Variants in CHL1 observed in about 807,000 individuals in gnomAD.
CHL1 encodes cell adhesion molecule L1 like.
A neutral mutation model predicts 141.9 loss-of-function variants in CHL1; 96 were observed. The ratio of observed to expected loss-of-function variants is 0.68; its 90% CI spans 0.57 to 0.80. The LOEUF (loss-of-function observed/expected upper bound fraction) is 0.80. Among genes scored for constraint, CHL1 ranks in the 30% least tolerant of loss-of-function variants. CHL1 has a pLI of 0.00. For synonymous variants in CHL1, 613 were observed against 502.2 expected (o/e 1.22, Z -2.95); for missense variants, 1,820 against 1,457.2 (o/e 1.25, Z -4.05).
At chr3:400,159 A>AT (rs1295353685) in intron 26 of CHL1, among the ~76,000 whole-genome samples, 6 of 152,350 alleles carry the variant, frequency 3.9e-5, no homozygotes, top group Admixed American at 6.5e-5. Context: ...TGATGTTCAG[A>AT]TATATGAGAA....
At chr3:332,271 T>A (rs1024701100) in intron 5 of CHL1, among the ~76,000 whole-genome samples, 17 of 152,160 alleles carry the variant, frequency 1.1e-4, no homozygotes, top group African/African-American at 4.1e-4. Context: ...TAAAAGTAAA[T>A]CTTGGAGAAA....
At chr3:300,628 T>C (rs1698637299) in intron 2 of CHL1, among the ~76,000 whole-genome samples, 1 of 152,184 alleles carries the variant, frequency 6.6e-6, no homozygotes. Context: ...GACGACATGA[T>C]GATGAGCAAA....
At chr3:381,007 T>C (rs775102043) in intron 16 of CHL1, among the ~76,000 whole-genome samples, 13 of 152,204 alleles carry the variant, frequency 8.5e-5, no homozygotes, top group Admixed American at 1.3e-4. Flanking sequence ...ACATCATGTT[T>C]CCCAGACTTG....
At chr3:336,343 C>T (rs938318185) in intron 5 of CHL1, among the ~76,000 whole-genome samples, 10 of 151,910 alleles carry the variant, frequency 6.6e-5, no homozygotes, top group Non-Finnish European at 1.2e-4. Context: ...AACATGGTAG[C>T]GGTTAAGATG....
rs373036411 is a variant in CHL1 at position 309,644 on chromosome 3, G to A, written c.-94-10039G>A. On this transcript the variant is annotated intron_variant, in intron 2 of 27. Transcript: ENST00000256509. Reference sequence around the variant, plus strand: ...CCAACCTTGGCCTCCTGAGAAGCTGGGAGTATAGGCACGTACCCTATGCCT... The same window carrying A: ...CCAACCTTGGCCTCCTGAGAAGCTGAGAGTATAGGCACGTACCCTATGCCT... Among the ~76,000 whole-genome samples, 28 of 151,974 alleles carry A rather than the reference G, an allele frequency of 1.8e-4. No individual in the cohort carries two copies. In the East Asian group the frequency reaches 4.7e-3, roughly 25 times the overall value.
At chr3:367,205 A>G (rs1705012897) in intron 15 of CHL1, among the ~76,000 whole-genome samples, 1 of 152,224 alleles carries the variant, frequency 6.6e-6, no homozygotes, top group African/African-American at 2.4e-5. Context: ...GTCCTTTTGC[A>G]TTGTTACTAA....
At chr3:298,249 G>C (rs920754777) in intron 2 of CHL1, among the ~76,000 whole-genome samples, 2 of 152,104 alleles carry the variant, frequency 1.3e-5, no homozygotes, top group Non-Finnish European at 2.9e-5. Flanking sequence ...AAGTCGAATT[G>C]CTAAAAAGAG....
intron 1 of CHL1, among the ~76,000 whole-genome samples, chr3:199,892 C>G (rs562236467): frequency 6.6e-6 from 1 of 151,976 alleles, no homozygotes; most frequent in Non-Finnish European, 1.5e-5. Context: ...TATTTTTAAC[C>G]GATAAAAGAA....
intron 27 of CHL1, among the ~76,000 whole-genome samples, chr3:404,714 G>A (rs768984884): frequency 2.0e-5 from 3 of 152,252 alleles, no homozygotes; most frequent in Admixed American, 2.0e-4. Context: ...CAGGATATAA[G>A]AGAATCAAAA....
At chr3:257,902 A>G (rs1427868317) in intron 2 of CHL1, among the ~76,000 whole-genome samples, 2 of 152,218 alleles carry the variant, frequency 1.3e-5, no homozygotes, top group African/African-American at 4.8e-5. Context: ...CGAAGAAATC[A>G]TTGAATTTAT....
Position 285,737 on chromosome 3 carries a change from A to C in CHL1, c.-94-33946A>C, listed in dbSNP as rs147488878. On this transcript the variant is annotated intron_variant, in intron 2 of 27. Transcript: ENST00000256509. The stretch of plus-strand genomic sequence containing the variant: ...ACATTACATAGCTAATGCTCAATAA[A>C]TCATAACTTTATGATTAGCAATGTT... Among the ~76,000 whole-genome samples, 708 of 152,344 alleles carry C rather than the reference A, an allele frequency of 4.6e-3. 4 individuals carry two copies. Among genetic ancestry groups the C allele is most frequent in the African/African-American group, 0.016 (661 of 41,582 alleles).
intron 8 of CHL1, among the ~76,000 whole-genome samples, chr3:343,610 T>C (rs554858488): frequency 6.6e-6 from 1 of 152,336 alleles, no homozygotes; most frequent in African/African-American, 2.4e-5. Flanking sequence ...CTGAGTTGTA[T>C]AGCAGGCTAG....
At chr3:394,569 T>G in intron 23 of CHL1, 124 bp from the exon 24 acceptor site, 1 of 690,320 alleles carries the variant, frequency 1.4e-6, no homozygotes, top group Non-Finnish European at 2.5e-6. Context: ...ATTAAATGAG[T>G]TGATGGTTAT....
chr3:279,652 G>C (rs1696459648), intron 2 of CHL1, among the ~76,000 whole-genome samples: 1 of 152,100 alleles, frequency 6.6e-6, no homozygotes. Context: ...CTATGGTTTT[G>C]GAAATTGATG....
At chr3:317,356 T>C (rs1031446998) in intron 2 of CHL1, among the ~76,000 whole-genome samples, 1 of 151,966 alleles carries the variant, frequency 6.6e-6, no homozygotes, top group African/African-American at 2.4e-5. Flanking sequence ...GTCAAGAGAT[T>C]AATGGAAATT....
chr3:274,603 G>A (rs1408883509), intron 2 of CHL1, among the ~76,000 whole-genome samples: 1 of 152,156 alleles, frequency 6.6e-6, no homozygotes, highest in Non-Finnish European at 1.5e-5. Context: ...TTACTCTAGT[G>A]AGCTGTAGGC....
chr3:324,395 T>G (rs1700834813), intron 3 of CHL1, among the ~76,000 whole-genome samples: 1 of 152,080 alleles, frequency 6.6e-6, no homozygotes, highest in East Asian at 1.9e-4. Context: ...TTATTAGAGA[T>G]TCTAAGAACT....
intron 1 of CHL1, among the ~76,000 whole-genome samples, chr3:223,237 C>T (rs1701015366): frequency 6.6e-6 from 1 of 152,134 alleles, no homozygotes; most frequent in Non-Finnish European, 1.5e-5. Flanking sequence ...GGTGAAGTGT[C>T]ATCACCCATC....
intron 1 of CHL1, among the ~76,000 whole-genome samples, chr3:235,769 CT>C: frequency 6.6e-6 from 1 of 152,244 alleles, no homozygotes; most frequent in East Asian, 1.9e-4. Context: ...TTGACTTATT[CT>C]TAACTTACAA....
Sources: gnomAD v4.1 joint callset for allele counts (sites outside exome capture counted in the v4.1 genomes callset) on GRCh38, gnomAD v4.1.1 for gene constraint, MANE v1.5 for transcripts, NCBI Gene and HGNC (gene_info 2026-07-23, HGNC 2026-07-21) for gene names.